The following DCAF7 variants were observed in gnomAD, a reference collection of about 807,000 sequenced individuals.
DCAF7 encodes the protein DDB1- and CUL4-associated factor 7.
Under a neutral mutation model 41.2 loss-of-function variants are expected in DCAF7, and 4 were observed. That is an observed-to-expected ratio of 0.10 (90% CI 0.05 to 0.22). DCAF7 has a LOEUF of 0.22. Ranked by LOEUF, DCAF7 falls within the 10% of genes least tolerant of loss-of-function variation. The pLI, the probability that DCAF7 is intolerant of heterozygous loss-of-function variation, is 1.00. For missense variants in DCAF7, 131 were observed against 443.2 expected, an observed-to-expected ratio of 0.30 and a Z score of 6.32; for synonymous variants, 143 against 164.2, an observed-to-expected ratio of 0.87 and a Z score of 0.99.
intron 1 of DCAF7, among the ~76,000 whole-genome samples, chr17:63,577,335 G>C (rs759841977): frequency 1.3e-5 from 2 of 152,232 alleles, no homozygotes; most frequent in Non-Finnish European, 2.9e-5. Flanking sequence ...AGGTCAGAAA[G>C]ATGAGTAGAA....
intron 1 of DCAF7, among the ~76,000 whole-genome samples, chr17:63,563,448 A>G (rs2033405354): frequency 6.6e-6 from 1 of 152,220 alleles, no homozygotes; most frequent in African/African-American, 2.4e-5. Flanking sequence ...AAAATTTAAA[A>G]TGCACATACT....
intron 6 of DCAF7, among the ~76,000 whole-genome samples, chr17:63,587,909 C>T (rs2033693945): frequency 6.6e-6 from 1 of 150,528 alleles, no homozygotes; most frequent in Admixed American, 6.6e-5. Flanking sequence ...TCGCTTGAAC[C>T]TGGGAGGCTT....
At chr17:63,574,219 T>C (rs1194926453) in intron 1 of DCAF7, among the ~76,000 whole-genome samples, 1 of 152,200 alleles carries the variant, frequency 6.6e-6, no homozygotes, top group East Asian at 1.9e-4. Flanking sequence ...CTATTCTCCT[T>C]TGAAGACTCT....
intron 1 of DCAF7, among the ~76,000 whole-genome samples, chr17:63,551,317 G>T: frequency 1.3e-5 from 1 of 75,314 alleles, no homozygotes; most frequent in Non-Finnish European, 3.2e-5. Flanking sequence ...ACCCCCCCCG[G>T]GTACTCATGG....
At chr17:63,567,435 A>C (rs1038569394) in intron 1 of DCAF7, among the ~76,000 whole-genome samples, 1 of 152,222 alleles carries the variant, frequency 6.6e-6, no homozygotes, top group African/African-American at 2.4e-5. Context: ...AACACAATGT[A>C]GTCTTTGGAA....
intron 6 of DCAF7, among the ~76,000 whole-genome samples, chr17:63,586,060 G>A (rs1020843448): frequency 2.7e-5 from 4 of 150,706 alleles, no homozygotes; most frequent in Non-Finnish European, 4.4e-5. Flanking sequence ...AGGAGGTGGA[G>A]GTTGCATTGA....
intron 1 of DCAF7, among the ~76,000 whole-genome samples, chr17:63,566,905 C>T (rs1305361234): frequency 6.6e-6 from 1 of 152,000 alleles, no homozygotes; most frequent in Non-Finnish European, 1.5e-5. Flanking sequence ...CAGAATGAGA[C>T]CTTGTCTCAA....
rs2033712124 is a variant in DCAF7, at chr17:63,589,456, G to T, written c.*284G>T. The T allele has an allele frequency of 6.7e-6, 3 of 445,372 alleles. No individual in the cohort carries two copies. Among genetic ancestry groups the T allele is most frequent in the Non-Finnish European group, 1.3e-5 (3 of 236,816 alleles). The allele number at this position is 445,372 out of a possible 1,614,324, so 27.6% of individuals were successfully genotyped here. ...TCAATTAAAAAATGTGTGTATATTT[G>T]TTTGTCAGGCGTTGTGTTGAGGAGC... is the stretch of plus-strand genomic sequence containing the variant. On this transcript the variant is annotated 3_prime_UTR_variant, in exon 7 of 7. Coordinates refer to ENST00000614556, the MANE Select transcript of DCAF7 (RefSeq NM_005828.5).
rs1455926323 is a variant in DCAF7 at position 63,589,502 on chromosome 17, CTA to C, written c.*332_*333del. 1 of 374,970 alleles carries C rather than the reference CTA, an allele frequency of 2.7e-6. No individual in the cohort carries two copies. Among genetic ancestry groups the C allele is most frequent in the Admixed American group, 3.8e-5 (1 of 26,658 alleles). 23.2% of individuals were successfully genotyped at this position (374,970 alleles called of 1,614,324 possible). A position where few individuals can be genotyped will look rare whatever the true frequency, so the allele number is the denominator to read the frequency against. On this transcript the variant is annotated 3_prime_UTR_variant, in exon 7 of 7. Coordinates refer to ENST00000614556, the MANE Select transcript of DCAF7 (RefSeq NM_005828.5). ...GGAGCAGTTCACGCACTGGCTGTGT[CTA>C]TTCCTCTGCCCAGGTGTCTCTGTTT... is the stretch of plus-strand genomic sequence containing the variant.
intron 2 of DCAF7, 118 bp downstream of exon 2, chr17:63,578,746 A>G: frequency 7.2e-7 from 1 of 1,397,268 alleles, no homozygotes; most frequent in Non-Finnish European, 9.8e-7. Context: ...GCAGCACAGG[A>G]GAAGCAAGCG....
At chr17:63,573,796 C>T (rs2033532757) in intron 1 of DCAF7, among the ~76,000 whole-genome samples, 1 of 151,848 alleles carries the variant, frequency 6.6e-6, no homozygotes, top group Non-Finnish European at 1.5e-5. Context: ...AAAAACTGTT[C>T]ATTTGGTCAC....
Position 63,591,624 on chromosome 17 carries a change from A to G in DCAF7, c.*2452A>G, listed in dbSNP as rs1264061617. ...CTTTACTCCACCAGCCCGACGACCC[A>G]TGACTGAGGAGGGGATTTCTACAGT... On this transcript the variant is annotated 3_prime_UTR_variant, in exon 7 of 7. Coordinates refer to ENST00000614556, the MANE Select transcript of DCAF7 (RefSeq NM_005828.5). The G allele has an allele frequency of 2.0e-5, 3 of 152,188 alleles. No homozygotes were observed. Among genetic ancestry groups the G allele is most frequent in the Non-Finnish European group, 4.4e-5 (3 of 68,072 alleles). The allele number at this position is 152,188 out of a possible 1,614,324, so 9.4% of individuals were successfully genotyped here. A position where few individuals can be genotyped will look rare whatever the true frequency, so the allele number is the denominator to read the frequency against.
chr17:63,589,231 C>A lies in DCAF7; in HGVS notation c.*59C>A. The A allele has an allele frequency of 6.3e-7, 1 of 1,597,790 alleles. No individual in the cohort carries two copies. The highest frequency in any genetic ancestry group is 8.5e-7 in the Non-Finnish European group (1 of 1,171,126). ...TTTGTATTTCCTGCCTCTGCCCCACCCCCAAAGTAAGAAGAAACATGTTTC... is the reference window on the plus strand; with the variant it reads ...TTTGTATTTCCTGCCTCTGCCCCACACCCAAAGTAAGAAGAAACATGTTTC... On this transcript the variant is annotated 3_prime_UTR_variant, in exon 7 of 7. Coordinates refer to ENST00000614556, the MANE Select transcript of DCAF7 (RefSeq NM_005828.5).
intron 1 of DCAF7, among the ~76,000 whole-genome samples, chr17:63,563,160 G>A (rs1012179126): frequency 4.6e-5 from 7 of 152,134 alleles, no homozygotes; most frequent in African/African-American, 1.7e-4. Context: ...ACAGACAATA[G>A]TAGCTAATAC....
chr17:63,582,547 T>A (rs1384831093), intron 4 of DCAF7, among the ~76,000 whole-genome samples: 1 of 151,918 alleles, frequency 6.6e-6, no homozygotes, highest in Non-Finnish European at 1.5e-5. Context: ...CAGCTCACTG[T>A]AATCTCCGCC....
chr17:63,588,628 T>C (rs961894690), intron 6 of DCAF7, among the ~76,000 whole-genome samples: 1 of 152,208 alleles, frequency 6.6e-6, no homozygotes, highest in Non-Finnish European at 1.5e-5. Flanking sequence ...GAGAATGATC[T>C]TTGTAACCAC....
At chr17:63,559,407 A>ATATGTATATATATG (rs2033352918) in intron 1 of DCAF7, among the ~76,000 whole-genome samples, 1 of 107,488 alleles carries the variant, frequency 9.3e-6, no homozygotes, top group African/African-American at 5.1e-5. Flanking sequence ...ATGTATATAT[A>ATATGTATATATATG]TGTATATATA....
At chr17:63,563,438 A>G (rs774218228) in intron 1 of DCAF7, among the ~76,000 whole-genome samples, 67 of 152,372 alleles carry the variant, frequency 4.4e-4, no homozygotes, top group South Asian at 2.3e-3. Flanking sequence ...GGTGTCTATT[A>G]AAATTTAAAA....
rs2033751754 is a variant in DCAF7, at chr17:63,593,141, T to C, written c.*3969T>C. 2 of 152,616 alleles carry C rather than the reference T, an allele frequency of 1.3e-5. No homozygotes were observed. 9.5% of individuals were successfully genotyped at this position (152,616 alleles called of 1,614,324 possible). On this transcript the variant is annotated 3_prime_UTR_variant, in exon 7 of 7. Coordinates refer to ENST00000614556, the MANE Select transcript of DCAF7 (RefSeq NM_005828.5). Reference sequence around the variant, plus strand: ...GAAGCCTCAAAGCAGACTTTTCCCTTTACTGTGTGTACTCCAGGACGAAGA... The same window carrying C: ...GAAGCCTCAAAGCAGACTTTTCCCTCTACTGTGTGTACTCCAGGACGAAGA...
Sources: allele counts gnomAD v4.1 joint callset (sites outside exome capture counted in the v4.1 genomes callset), GRCh38; gene constraint gnomAD v4.1.1; transcripts MANE v1.5; gene names NCBI Gene and HGNC (gene_info 2026-07-23, HGNC 2026-07-21).